The following BLNK variants were observed in gnomAD, a reference collection of about 807,000 sequenced individuals.
BLNK encodes the protein B cell linker.
A neutral mutation model predicts 73.5 loss-of-function variants in BLNK; 29 were observed. That is an observed-to-expected ratio of 0.39 (90% CI 0.29 to 0.54). BLNK has a LOEUF of 0.54. Among genes scored for constraint, BLNK ranks in the 20% least tolerant of loss-of-function variants. The pLI, the probability that BLNK is intolerant of heterozygous loss-of-function variation, is 0.61. For missense variants in BLNK, 460 were observed against 562.8 expected, an observed-to-expected ratio of 0.82 and a Z score of 1.85; for synonymous variants, 176 against 200.8, an observed-to-expected ratio of 0.88 and a Z score of 1.04.
At chr10:96,204,511 T>C in intron 12 of BLNK, 21 bp downstream of exon 12, 1 of 1,612,208 alleles carries the variant, frequency 6.2e-7, no homozygotes, top group South Asian at 1.1e-5. Flanking sequence ...GAAACTGATC[T>C]TTAAAGGAAA....
At chr10:96,194,501 A>G (rs1397628730) in intron 16 of BLNK, among the ~76,000 whole-genome samples, 2 of 152,214 alleles carry the variant, frequency 1.3e-5, no homozygotes, top group African/African-American at 4.8e-5. Flanking sequence ...TAGAGAAGAC[A>G]ATATCAAGCT....
chr10:96,192,565 A>C (rs587684053), intron 16 of BLNK, among the ~76,000 whole-genome samples: 2 of 152,298 alleles, frequency 1.3e-5, no homozygotes, highest in South Asian at 4.1e-4. Flanking sequence ...TTTTTTAAAC[A>C]AATAAAGAAA....
intron 8 of BLNK, among the ~76,000 whole-genome samples, chr10:96,213,560 G>A (rs782433523): frequency 1.1e-4 from 17 of 152,050 alleles, no homozygotes; most frequent in Non-Finnish European, 2.9e-5. Context: ...CAAGAAGCAA[G>A]ACCCGTGACA....
intron 1 of BLNK, among the ~76,000 whole-genome samples, chr10:96,263,180 T>C (rs1375807496): frequency 6.6e-6 from 1 of 152,192 alleles, no homozygotes; most frequent in Admixed American, 6.5e-5. Context: ...TGGTCGAAAT[T>C]GTTAAGAATT....
chr10:96,226,969 G>A (rs1842294503), intron 5 of BLNK, among the ~76,000 whole-genome samples: 1 of 152,202 alleles, frequency 6.6e-6, no homozygotes, highest in African/African-American at 2.4e-5. Flanking sequence ...CTAGGCATGG[G>A]AGGAAGGTGA....
intron 1 of BLNK, among the ~76,000 whole-genome samples, chr10:96,263,233 G>A (rs1195823441): frequency 4.6e-5 from 7 of 152,198 alleles, no homozygotes; most frequent in Admixed American, 3.3e-4. Context: ...CACAAGCTCC[G>A]AGCACAGGAC....
chr10:96,242,787 G>A lies in BLNK; in HGVS notation c.114-3C>T, dbSNP rs1842919734. 3 of 1,613,338 alleles carry A rather than the reference G, an allele frequency of 1.9e-6. No individual in the cohort carries two copies. The highest frequency in any genetic ancestry group is 1.7e-6 in the Non-Finnish European group (2 of 1,179,394). Reference sequence around the variant, plus strand: ...TTGGAGGTGCTTTGACTTTTAGCCTGGAAATAACAACCATGAGACAAAAGG... The same window carrying A: ...TTGGAGGTGCTTTGACTTTTAGCCTAGAAATAACAACCATGAGACAAAAGG... On this transcript the variant is annotated splice_region_variant and splice_polypyrimidine_tract_variant and intron_variant, in intron 2 of 16. Coordinates refer to ENST00000224337, the MANE Select transcript of BLNK (RefSeq NM_013314.4).
Position 96,227,420 on chromosome 10 carries a change from G to T in BLNK, c.351C>A (p.Gly117=). ...PVHPALPFAR[G]EYIDNRSSQR... is the part of the protein sequence containing the mutation. ...TGCGGGGGACCTCACCTATATACTCGCCTCTGGCGAAGGGCAGGGCTGGGT... is the reference window on the plus strand; with the variant it reads ...TGCGGGGGACCTCACCTATATACTCTCCTCTGGCGAAGGGCAGGGCTGGGT... Residue 117 remains glycine, a synonymous_variant, in exon 5 of 17, where the codon GGC becomes GGA. Transcript: ENST00000224337. 1 of 1,613,898 alleles carries T rather than the reference G, an allele frequency of 6.2e-7. No homozygotes were observed. The highest frequency in any genetic ancestry group is 8.5e-7 in the Non-Finnish European group (1 of 1,180,038).
chr10:96,250,213 A>G (rs1327963040), intron 1 of BLNK, among the ~76,000 whole-genome samples: 3 of 152,204 alleles, frequency 2.0e-5, no homozygotes, highest in Non-Finnish European at 4.4e-5. Flanking sequence ...TGAGAGACAC[A>G]CAGAGGGTCC....
At chr10:96,211,326 C>T (rs1029214627) in intron 8 of BLNK, among the ~76,000 whole-genome samples, 1 of 152,158 alleles carries the variant, frequency 6.6e-6, no homozygotes, top group African/African-American at 2.4e-5. Flanking sequence ...ATGTAAAGCA[C>T]ATGAAGGCAC....
Position 96,204,049 on chromosome 10 carries a change from G to T in BLNK, c.934+8C>A. Reference sequence around the variant, plus strand: ...CCCTGATACACTACATGGCTTCGTTGTACTTACTTGGCAGAGGTATGGGTT... The same window carrying T: ...CCCTGATACACTACATGGCTTCGTTTTACTTACTTGGCAGAGGTATGGGTT... On this transcript the variant is annotated splice_region_variant and intron_variant, in intron 13 of 16. Transcript: ENST00000224337. 1 of 1,612,218 alleles carries T rather than the reference G, an allele frequency of 6.2e-7. No homozygotes were observed. Among genetic ancestry groups the T allele is most frequent in the Non-Finnish European group, 8.5e-7 (1 of 1,178,308 alleles).
At chr10:96,192,360 A>C (rs2083349719) in intron 16 of BLNK, among the ~76,000 whole-genome samples, 1 of 152,224 alleles carries the variant, frequency 6.6e-6, no homozygotes, top group Admixed American at 6.5e-5. Flanking sequence ...ATGATAAAAT[A>C]TTATAGTATA....
chr10:96,257,670 G>A (rs1489606221), intron 1 of BLNK, among the ~76,000 whole-genome samples: 1 of 152,104 alleles, frequency 6.6e-6, no homozygotes, highest in Admixed American at 6.5e-5. Context: ...ATTAATGAGG[G>A]TTACCCCTTA....
chr10:96,269,129 C>T (rs1554914923), intron 1 of BLNK, among the ~76,000 whole-genome samples: 3 of 152,176 alleles, frequency 2.0e-5, no homozygotes, highest in Non-Finnish European at 4.4e-5. Context: ...CATTTTACCA[C>T]AACAGGATGA....
intron 16 of BLNK, among the ~76,000 whole-genome samples, chr10:96,192,999 A>G (rs1286360144): frequency 6.6e-6 from 1 of 152,190 alleles, no homozygotes; most frequent in Non-Finnish European, 1.5e-5. Context: ...GTGTTTATTA[A>G]TTGTTTGGAT....
chr10:96,267,111 G>C (rs1844038319), intron 1 of BLNK, among the ~76,000 whole-genome samples: 1 of 152,192 alleles, frequency 6.6e-6, no homozygotes, highest in Non-Finnish European at 1.5e-5. Flanking sequence ...TGAGAGTCCT[G>C]AGATAAAATG....
rs17111504 is a variant in BLNK at position 96,238,828 on chromosome 10, G to A, written c.163+3907C>T. The stretch of plus-strand genomic sequence containing the variant: ...AACATCAATGGATTTGCAGGGGTCA[G>A]GGATTGAGGGAATAAAATCTACGTG... On this transcript the variant is annotated intron_variant, in intron 3 of 16. Coordinates refer to ENST00000224337, the MANE Select transcript of BLNK (RefSeq NM_013314.4). The A allele has an allele frequency of 0.033, 9,136 of 275,218 alleles. 1,180 individuals carry two copies. In the East Asian group the frequency reaches 0.35, roughly 11 times the overall value. 17.0% of individuals were successfully genotyped at this position (275,218 alleles called of 1,614,324 possible).
rs183398356 is a variant in BLNK at position 96,217,689 on chromosome 10, T to A, written c.526-955A>T. Reference sequence around the variant, plus strand: ...TATTGAGTTATAAGAGTTATCTATATATTCTAGTTATAAGTTCTTCATCAG... The same window carrying A: ...TATTGAGTTATAAGAGTTATCTATAAATTCTAGTTATAAGTTCTTCATCAG... On this transcript the variant is annotated intron_variant, in intron 6 of 16. Coordinates refer to ENST00000224337, the MANE Select transcript of BLNK (RefSeq NM_013314.4). Among the ~76,000 whole-genome samples, 648 of 152,340 alleles carry A rather than the reference T, an allele frequency of 4.3e-3. 2 individuals are homozygous for A. The highest frequency in any genetic ancestry group is 7.4e-3 in the Non-Finnish European group (503 of 68,022).
At chr10:96,265,566 A>G (rs1332701590) in intron 1 of BLNK, among the ~76,000 whole-genome samples, 1 of 152,166 alleles carries the variant, frequency 6.6e-6, no homozygotes, top group Non-Finnish European at 1.5e-5. Context: ...GGAACATCAA[A>G]TTGAAATGCA....
Sources: gnomAD v4.1 joint callset for allele counts (sites outside exome capture counted in the v4.1 genomes callset) on GRCh38, gnomAD v4.1.1 for gene constraint, MANE v1.5 for transcripts, NCBI Gene and HGNC (gene_info 2026-07-23, HGNC 2026-07-21) for gene names.